The following ROR1 variants were observed in gnomAD, a reference collection of about 807,000 sequenced individuals.
ROR1 encodes ROR family WNT receptor 1, also known as inactive tyrosine-protein kinase transmembrane receptor ROR1.
ROR1 carries 19 observed loss-of-function variants against 78.8 expected under a neutral mutation model. The observed-to-expected ratio is 0.24, with a 90% CI of 0.17 to 0.35. ROR1 has a LOEUF of 0.35. Ranked by LOEUF, ROR1 falls within the 10% of genes least tolerant of loss-of-function variation. ROR1 has a pLI of 1.00. For synonymous variants in ROR1, 386 were observed against 433.6 expected (o/e 0.89, Z 1.36); for missense variants, 917 against 1,177.8 (o/e 0.78, Z 3.24).
At chr1:63,890,628 C>T (rs1056655498) in intron 1 of ROR1, among the ~76,000 whole-genome samples, 5 of 151,626 alleles carry the variant, frequency 3.3e-5, no homozygotes, top group African/African-American at 1.2e-4. Flanking sequence ...GATGATGGAT[C>T]TAGAAGGATG....
intron 2 of ROR1, among the ~76,000 whole-genome samples, chr1:64,034,048 T>C (rs1269811418): frequency 6.6e-6 from 1 of 152,186 alleles, no homozygotes; most frequent in Admixed American, 6.5e-5. Flanking sequence ...AGTGTCCAAG[T>C]AGGGATGCTG....
intron 1 of ROR1, among the ~76,000 whole-genome samples, chr1:63,994,188 A>G (rs1445106329): frequency 6.6e-6 from 1 of 151,788 alleles, no homozygotes; most frequent in Admixed American, 6.6e-5. Context: ...CCACTTATCT[A>G]TTTCCTCCTT....
Position 63,774,455 on chromosome 1 carries a change from T to C in ROR1, c.38T>C (p.Leu13Pro). 1 of 1,173,610 alleles carries C rather than the reference T, an allele frequency of 8.5e-7. No individual in the cohort carries two copies. The highest frequency in any genetic ancestry group is 1.0e-6 in the Non-Finnish European group (1 of 955,668). The allele number at this position is 1,173,610 out of a possible 1,614,324, so 72.7% of individuals were successfully genotyped here. Reference sequence around the variant, plus strand: ...CGCCGCCGCGGGACGCGCCCGCCGCTCCTGGCGCTGCTGGCCGCGCTGCTG... The same window carrying C: ...CGCCGCCGCGGGACGCGCCCGCCGCCCCTGGCGCTGCTGGCCGCGCTGCTG... ...RPRRRGTRPP[L>P]LALLAALLLA... Residue 13 changes from leucine (L) to proline (P), a missense_variant, in exon 1 of 9, where the codon CTC becomes CCC. Leu to Pro is a moderately conservative substitution (Grantham distance 98). This residue lies in a region of ROR1 where 63 missense variants were observed against 57.0 expected (regional missense o/e 1.10). Transcript: ENST00000371079. This position sits in a 1 kb window ranked among gnomAD's most constrained non-coding sequence, Gnocchi z 5.7.
intron 4 of ROR1, among the ~76,000 whole-genome samples, chr1:64,115,504 T>C (rs1648284906): frequency 6.6e-6 from 1 of 151,952 alleles, no homozygotes; most frequent in Non-Finnish European, 1.5e-5. Flanking sequence ...AAAGTGCATT[T>C]CTTAAATTCT....
At chr1:63,988,576 A>G (rs1646269481) in intron 1 of ROR1, among the ~76,000 whole-genome samples, 1 of 152,144 alleles carries the variant, frequency 6.6e-6, no homozygotes, top group African/African-American at 2.4e-5. Flanking sequence ...CCACCATCCA[A>G]TGCCAGAAAT....
intron 1 of ROR1, among the ~76,000 whole-genome samples, chr1:63,969,650 G>A (rs1257760335): frequency 1.3e-5 from 2 of 152,016 alleles, no homozygotes; most frequent in East Asian, 3.9e-4. Flanking sequence ...AGAAATCTCC[G>A]CTCTTCCATG....
chr1:64,004,643 A>G (rs1332716986), intron 1 of ROR1, among the ~76,000 whole-genome samples: 1 of 152,138 alleles, frequency 6.6e-6, no homozygotes, highest in Non-Finnish European at 1.5e-5. Context: ...CATGGCTGGG[A>G]GCTTCTTGGA....
chr1:64,026,202 G>C (rs1264217976), intron 2 of ROR1, among the ~76,000 whole-genome samples: 1 of 152,168 alleles, frequency 6.6e-6, no homozygotes, highest in African/African-American at 2.4e-5. Context: ...GCTGGGGGCT[G>C]TTCTCTGGAC....
At chr1:63,986,334 C>A (rs549195993) in intron 1 of ROR1, among the ~76,000 whole-genome samples, 1 of 152,198 alleles carries the variant, frequency 6.6e-6, no homozygotes, top group South Asian at 2.1e-4. Flanking sequence ...ACTGAGATTG[C>A]AGTAGCATAT....
chr1:63,923,267 A>C (rs1316457451), intron 1 of ROR1, among the ~76,000 whole-genome samples: 2 of 152,142 alleles, frequency 1.3e-5, no homozygotes, highest in Non-Finnish European at 2.9e-5. Context: ...ACAGGATCCC[A>C]GGCCATGTGG....
chr1:63,903,182 G>A (rs1173480354), intron 1 of ROR1, among the ~76,000 whole-genome samples: 1 of 152,170 alleles, frequency 6.6e-6, no homozygotes, highest in East Asian at 1.9e-4. Flanking sequence ...ATATCAGGTA[G>A]GAGTCTACTA....
At chr1:64,012,401 C>T (rs1393600135) in intron 2 of ROR1, among the ~76,000 whole-genome samples, 1 of 152,146 alleles carries the variant, frequency 6.6e-6, no homozygotes, top group Non-Finnish European at 1.5e-5. Context: ...TGAGGTTCTT[C>T]TCAGGTATTG....
intron 1 of ROR1, among the ~76,000 whole-genome samples, chr1:63,917,664 A>G (rs1645619339): frequency 6.6e-6 from 1 of 152,208 alleles, no homozygotes; most frequent in Admixed American, 6.5e-5. Flanking sequence ...ATATGATGAG[A>G]AATCAAGAGT....
At chr1:63,989,183 T>TA (rs532365154) in intron 1 of ROR1, among the ~76,000 whole-genome samples, 4 of 150,884 alleles carry the variant, frequency 2.7e-5, no homozygotes, top group Admixed American at 1.3e-4. Context: ...TTTTTTTTTT[T>TA]AAACTCTTTA....
intron 1 of ROR1, chr1:63,843,286 GT>G: frequency 1.4e-6 from 2 of 1,417,684 alleles, no homozygotes; most frequent in Non-Finnish European, 2.0e-6. Context: ...CAGTTTGTGT[GT>G]AATTCATGCT....
intron 1 of ROR1, among the ~76,000 whole-genome samples, chr1:63,921,514 T>G (rs540754693): frequency 3.3e-5 from 5 of 152,120 alleles, no homozygotes; most frequent in Admixed American, 2.0e-4. Context: ...TTTAACATGA[T>G]CATTATGGTT....
intron 2 of ROR1, among the ~76,000 whole-genome samples, chr1:64,021,416 A>T (rs1646564561): frequency 6.6e-6 from 1 of 152,240 alleles, no homozygotes; most frequent in South Asian, 2.1e-4. Context: ...GTGAAAATAC[A>T]AAATTCCTGT....
intron 6 of ROR1, 88 bp from the exon 7 acceptor site, chr1:64,142,317 C>T: frequency 1.3e-6 from 2 of 1,546,776 alleles, no homozygotes; most frequent in South Asian, 1.2e-5. Flanking sequence ...AATTACCTGC[C>T]CTCCCCTCCA....
At chr1:63,867,100 T>G (rs1042398535) in intron 1 of ROR1, among the ~76,000 whole-genome samples, 12 of 152,214 alleles carry the variant, frequency 7.9e-5, no homozygotes, top group Admixed American at 5.2e-4. Context: ...ACTTATACTG[T>G]ATGGGGACCT....
Sources: gnomAD v4.1 joint callset for allele counts (sites outside exome capture counted in the v4.1 genomes callset) on GRCh38, gnomAD v4.1.1 for gene constraint, gnomAD v4.1.1 regional missense constraint, Gnocchi (gnomAD v3.1) non-coding constraint, MANE v1.5 for transcripts, NCBI Gene and HGNC (gene_info 2026-07-23, HGNC 2026-07-21) for gene names.